TTN: variants seen among roughly 807,000 people sequenced by gnomAD.
TTN encodes the protein titin.
Under a neutral mutation model 3,223.0 loss-of-function variants are expected in TTN, and 1,525 were observed. The ratio of observed to expected loss-of-function variants is 0.47; its 90% confidence interval spans 0.45 to 0.49. The LOEUF (loss-of-function observed/expected upper bound fraction) is 0.49, where lower values mean the gene tolerates loss of function less well. Among genes scored for constraint, TTN ranks in the 20% least tolerant of loss-of-function variants. TTN has a pLI of 0.00. For synonymous variants in TTN, 14,094 were observed against 15,161.0 expected, an observed-to-expected ratio of 0.93 and a Z score of 5.17; for missense variants, 40,786 against 43,424.0, an observed-to-expected ratio of 0.94 and a Z score of 5.40.
chr2:178,590,106 A>C lies in TTN; in HGVS notation c.61619T>G (p.Val20540Gly). Residue 20540 changes from valine to glycine, a missense_variant, in exon 304 of 363, where the codon GTT becomes GGT. Val to Gly is a moderately radical substitution (Grantham distance 109). Coordinates refer to ENST00000589042, the MANE Select transcript of TTN (RefSeq NM_001267550.2). ...PRVELQIKEA[V>G]RADHGKYIIS... ...GATATACTTGCCATGATCAGCTCTAACAGCTTCTTTAATTTGTAACTCAAC... is the reference window on the plus strand; with the variant it reads ...GATATACTTGCCATGATCAGCTCTACCAGCTTCTTTAATTTGTAACTCAAC... 4 of 1,613,288 alleles carry C rather than the reference A, an allele frequency of 2.5e-6. No homozygotes were observed. Among genetic ancestry groups the C allele is most frequent in the Non-Finnish European group, 3.4e-6 (4 of 1,179,504 alleles).
chr2:178,527,742 A>G lies in TTN; in HGVS notation c.107384T>C (p.Val35795Ala), dbSNP rs549598246. Reference sequence around the variant, plus strand: ...TACTACCTCTCTGGAAGGTTCTTCAACTAGAGCTGTGGAGCATAGCAGATA... The same window carrying G: ...TACTACCTCTCTGGAAGGTTCTTCAGCTAGAGCTGTGGAGCATAGCAGATA... ...ATASLMVLPL[V>A]EEPSREVVLR... Residue 35795 changes from valine to alanine, a missense_variant, in exon 362 of 363, where the codon GTT (valine) becomes GCT (alanine). Val to Ala is a moderately conservative substitution (Grantham distance 64, BLOSUM62 0). Transcript: ENST00000589042. The G allele has an allele frequency of 4.2e-5, 67 of 1,593,516 alleles. No homozygotes were observed. The highest frequency in any genetic ancestry group is 9.1e-5 in the South Asian group (8 of 88,026).
In TTN at chr2:178,572,214, G is replaced by T; in HGVS notation, c.73918C>A (p.Pro24640Thr). ...ATTCGGCTGCCTCCATCATGCTCTGGTTTCTCCCAAGAGAGTGACACACTA... is the reference window on the plus strand; with the variant it reads ...ATTCGGCTGCCTCCATCATGCTCTGTTTTCTCCCAAGAGAGTGACACACTA... ...RNSVSLSWEKPEHDGGSRILG... is the reference protein window; with the variant it reads ...RNSVSLSWEKTEHDGGSRILG... Residue 24640 changes from proline to threonine, a missense_variant, in exon 326 of 363, where the codon CCA becomes ACA. Pro to Thr is a conservative substitution (Grantham distance 38). Transcript: ENST00000589042. 1 of 1,613,432 alleles carries T rather than the reference G, an allele frequency of 6.2e-7. No individual in the cohort carries two copies. The highest frequency in any genetic ancestry group is 8.5e-7 in the Non-Finnish European group (1 of 1,179,616).
At chr2:178,689,644 T>C (rs974208338) in intron 122 of TTN, 49 bp from the exon 123 acceptor site, 6 of 1,529,316 alleles carry the variant, frequency 3.9e-6, no homozygotes, top group East Asian at 2.3e-5. Context: ...AAAGTAGCTA[T>C]GCACAGTTAT....
chr2:178,748,057 C>A (rs1224090128), intron 47 of TTN: 1 of 1,613,014 alleles, frequency 6.2e-7, no homozygotes, highest in Admixed American at 1.7e-5. Flanking sequence ...ATTCTTCTTC[C>A]ATTTCACCAA....
At position 178,664,117 on chromosome 2, in the gene TTN, T is replaced by G. The variant is rs1227176789; in HGVS notation, c.36281-19A>C. ...TCGTGCACTTGAAAGATATTAGTAT[T>G]TTTACACTCAGAAAATACAGAGATT... On this transcript the variant is annotated intron_variant, in intron 168 of 362. Coordinates refer to ENST00000589042, the MANE Select transcript of TTN (RefSeq NM_001267550.2). The G allele has an allele frequency of 6.3e-7, 1 of 1,591,520 alleles. No individual in the cohort carries two copies.
At chr2:178,779,791 A>T in intron 22 of TTN, 2 of 580,434 alleles carry the variant, frequency 3.4e-6, no homozygotes, top group Non-Finnish European at 6.0e-6. Flanking sequence ...CCTATTTTTA[A>T]AGTCACATTT....
chr2:178,735,405 A>G, intron 50 of TTN, 106 bp downstream of exon 50: 1 of 1,115,782 alleles, frequency 9.0e-7, no homozygotes, highest in Non-Finnish European at 1.2e-6. Flanking sequence ...GCTGAATGAC[A>G]TTATTTTAAT....
chr2:178,664,034 A>C lies in TTN; in HGVS notation c.36345T>G (p.Pro12115=). ...AAATACCTTTAACAGGTGGGACTTC[A>C]GGCTTTTTAGGAGGCACCACCGACA... ...KKVSVVPPKK[P]EVPPVKVPEA... The change falls in exon 169 of 363, where the codon CCT becomes CCG. Residue 12115 remains proline (P), a synonymous_variant. Transcript: ENST00000589042. 1 of 1,613,370 alleles carries C rather than the reference A, an allele frequency of 6.2e-7. No individual in the cohort carries two copies. The highest frequency in any genetic ancestry group is 8.5e-7 in the Non-Finnish European group (1 of 1,179,766).
In TTN at chr2:178,566,039, T is replaced by A. The variant is rs368085497; in HGVS notation, c.80093A>T (p.Asp26698Val). 20 of 1,613,554 alleles carry A rather than the reference T, an allele frequency of 1.2e-5. No individual in the cohort carries two copies. Among genetic ancestry groups the A allele is most frequent in the Non-Finnish European group, 1.6e-5 (19 of 1,179,600 alleles). ...TGGCTCCCATACCAGGAAGGCAGAA[T>A]CTTTTCTCACTTCTTTGACTGCCAA... ...QNLAVKEVRKDSAFLVWEPPI... is the reference protein window; with the variant it reads ...QNLAVKEVRKVSAFLVWEPPI... The change falls in exon 326 of 363, where the codon GAT (aspartate) becomes GTT (valine). Residue 26698 changes from aspartate to valine, a missense_variant. Physicochemically the swap from Asp to Val is radical, Grantham distance 152. Transcript: ENST00000589042.
intron 16 of TTN, 135 bp from the exon 17 acceptor site, chr2:178,783,920 G>T: frequency 7.9e-7 from 1 of 1,260,656 alleles, no homozygotes; most frequent in Non-Finnish European, 1.1e-6. Context: ...AATGATCTCT[G>T]ACCCATACTA....
Position 178,720,147 on chromosome 2 carries a change from C to T in TTN, c.23495G>A (p.Arg7832Lys). 1 of 1,613,794 alleles carries T rather than the reference C, an allele frequency of 6.2e-7. No homozygotes were observed. The highest frequency in any genetic ancestry group is 1.1e-5 in the South Asian group (1 of 91,072). ...TTCACTCTCTCTGATGACTTCACCT[C>T]TATCTTTCAGCCAGACAACAGAAAT... ...QPISVVWLKDRGEVIRESENT... is the reference protein window; with the variant it reads ...QPISVVWLKDKGEVIRESENT... Residue 7832 changes from arginine to lysine, a missense_variant, in exon 81 of 363, where the codon AGA becomes AAA. Coordinates refer to ENST00000589042, the MANE Select transcript of TTN (RefSeq NM_001267550.2).
Position 178,571,614 on chromosome 2 carries a change from A to G in TTN, c.74518T>C (p.Ser24840Pro). ...TTCTCAACAATGTAATTATTGATAG[A>G]ACTTCCACCATCATACTTGGGTGGG... ...WGPPKYDGGS[S>P]INNYIVEKRD... The change falls in exon 326 of 363, where the codon TCT becomes CCT. Residue 24840 changes from serine to proline, a missense_variant. Transcript: ENST00000589042. 6.2e-7 allele frequency: 1 copy of G among 1,613,262 alleles called. No homozygotes were observed.
At position 178,602,436 on chromosome 2, in the gene TTN, T is replaced by C. The variant is rs1244277868; in HGVS notation, c.54966A>G (p.Val18322=). ...TAGTTATAAGTTTGTCTGGTTCATT[T>C]ACTCTTTTCCAGTCAGTAGTACCTT... ...QEEGTTDWKR[V]NEPDKLITTC... Residue 18322 remains valine (V), a synonymous_variant, in exon 283 of 363, where the codon GTA becomes GTG. Transcript: ENST00000589042. 6.2e-7 allele frequency: 1 copy of C among 1,612,732 alleles called. No homozygotes were observed. The highest frequency in any genetic ancestry group is 2.2e-5 in the East Asian group (1 of 44,642).
Position 178,542,951 on chromosome 2 carries a change from T to A in TTN, c.96905-2A>T. 6.3e-7 allele frequency: 1 copy of A among 1,580,908 alleles called. No homozygotes were observed. The highest frequency in any genetic ancestry group is 8.6e-7 in the Non-Finnish European group (1 of 1,162,842). On this transcript the variant is annotated splice_acceptor_variant, in intron 347 of 362. Coordinates refer to ENST00000589042, the MANE Select transcript of TTN (RefSeq NM_001267550.2). LOFTEE classifies it high-confidence loss of function. ...TAGAAAGATCGATTGTTGGCAACAC[T>A]ATGGGAAAGAAATCAGGCATTTATT...
Position 178,534,128 on chromosome 2 carries a change from C to T in TTN, c.102487G>A (p.Asp34163Asn), listed in dbSNP as rs750297489. The T allele has an allele frequency of 3.7e-6, 6 of 1,613,806 alleles. No individual in the cohort carries two copies. In the African/African-American group the frequency reaches 4.0e-5, roughly 11 times the overall value. ...TACCAAGTCACTTGGGTAGACTGAT[C>T]ATAATTTTCAATTTTGCATACATAT... ...VKYVCKIENYDQSTQVTWYFG... is the reference protein window; with the variant it reads ...VKYVCKIENYNQSTQVTWYFG... Residue 34163 changes from aspartate to asparagine, a missense_variant, in exon 358 of 363, where the codon GAT becomes AAT. Physicochemically the swap from Asp to Asn is conservative, Grantham distance 23 (BLOSUM62 1). Transcript: ENST00000589042.
In TTN at chr2:178,636,590, A is replaced by G; in HGVS notation, c.41137T>C (p.Ser13713Pro). 6.2e-7 allele frequency: 1 copy of G among 1,613,440 alleles called. No homozygotes were observed. Among genetic ancestry groups the G allele is most frequent in the Non-Finnish European group, 8.5e-7 (1 of 1,179,584 alleles). Residue 13713 changes from serine (S) to proline (P), a missense_variant, in exon 225 of 363, where the codon TCC (serine) becomes CCC (proline). Physicochemically the swap from Ser to Pro is moderately conservative, Grantham distance 74 (BLOSUM62 -1). Coordinates refer to ENST00000589042, the MANE Select transcript of TTN (RefSeq NM_001267550.2). The surrounding 1 kb of genome is among the most constrained non-coding windows in gnomAD (Gnocchi z 4.3). ...TTCATCCAGGTTGTAATTGCAGTGG[A>G]AGGGGAGACCAAACATTCAAAGATT... ...SAIFECLVSP[S>P]TAITTWMKDG...
Position 178,756,628 on chromosome 2 carries a change from T to A in TTN, c.10848A>T (p.Val3616=). ...YEYEVQVFES[V]SQSSIHTAAS... is the part of the protein sequence containing the mutation. Reference sequence around the variant, plus strand: ...CAGCTGTGTGGATGGAACTTTGAGATACACTTTCAAAAACCTGCACTTCAT... The same window carrying A: ...CAGCTGTGTGGATGGAACTTTGAGAAACACTTTCAAAAACCTGCACTTCAT... The change falls in exon 46 of 363, where the codon GTA becomes GTT. Residue 3616 remains valine, a synonymous_variant. Transcript: ENST00000589042. 1 of 1,613,766 alleles carries A rather than the reference T, an allele frequency of 6.2e-7. No individual in the cohort carries two copies. Among genetic ancestry groups the A allele is most frequent in the Non-Finnish European group, 8.5e-7 (1 of 1,179,772 alleles).
In TTN at chr2:178,782,822, G is replaced by A. The variant is rs2154349998; in HGVS notation, c.3084C>T (p.Cys1028=). 1.2e-6 allele frequency: 2 copies of A among 1,613,106 alleles called. No homozygotes were observed. The highest frequency in any genetic ancestry group is 8.5e-7 in the Non-Finnish European group (1 of 1,179,850). ...GCCACTAACCCTGCACAGCCAGATA[G>A]CAGGATGTGCTGACGGTTCCAGCCT... The part of the protein sequence containing the change: ...VNEAGTVSTS[C]YLAVQVSEEF... The change falls in exon 18 of 363, where the codon TGC becomes TGT. Residue 1028 remains cysteine (C), a synonymous_variant. Transcript: ENST00000589042.
Position 178,676,594 on chromosome 2 carries a change from C to T in TTN, c.34379-599G>A, listed in dbSNP as rs2068113180. The stretch of plus-strand genomic sequence containing the variant: ...CTTTATTTAATTCTCACCATAATAG[C>T]TGAGCCCATTAAGACTGATATTAGC... On this transcript the variant is annotated intron_variant, in intron 147 of 362. Transcript: ENST00000589042. Among the ~76,000 whole-genome samples, 2 of 151,770 alleles carry T rather than the reference C, an allele frequency of 1.3e-5. 1 individual carries two copies. Among genetic ancestry groups the T allele is most frequent in the South Asian group, 4.1e-4 (2 of 4,830 alleles).
Sources: allele counts gnomAD v4.1 joint callset (sites outside exome capture counted in the v4.1 genomes callset), GRCh38; gene constraint gnomAD v4.1.1; non-coding constraint Gnocchi (gnomAD v3.1); transcripts MANE v1.5; gene names NCBI Gene and HGNC (gene_info 2026-07-23, HGNC 2026-07-21).